TNS3: variants seen among roughly 807,000 people sequenced by gnomAD.
TNS3 encodes tensin-3.
Under a neutral mutation model 140.9 loss-of-function variants are expected in TNS3, and 45 were observed. The ratio of observed to expected loss-of-function variants is 0.32; its 90% confidence interval spans 0.25 to 0.41. The LOEUF (loss-of-function observed/expected upper bound fraction) is 0.41. Ranked by LOEUF, TNS3 falls within the 10% of genes least tolerant of loss-of-function variation. The pLI, the probability that TNS3 is intolerant of heterozygous loss-of-function variation, is 1.00. For missense variants in TNS3, 1,716 were observed against 1,906.7 expected (o/e 0.90, Z 1.86); for synonymous variants, 815 against 788.4 (o/e 1.03, Z -0.56).
Position 47,280,176 on chromosome 7 carries a change from C to G in TNS3, c.4181G>C (p.Gly1394Ala). 1 of 1,614,102 alleles carries G rather than the reference C, an allele frequency of 6.2e-7. No individual in the cohort carries two copies. Among genetic ancestry groups the G allele is most frequent in the Non-Finnish European group, 8.5e-7 (1 of 1,180,024 alleles). The change falls in exon 30 of 31, where the codon GGC becomes GCC. Residue 1394 changes from glycine to alanine, a missense_variant. Gly to Ala is a moderately conservative substitution (Grantham distance 60). Around this residue, in one of 3 missense-constraint regions of TNS3, gnomAD observed 216 missense variants for 295.7 expected, o/e 0.73. Coordinates refer to ENST00000311160, the MANE Select transcript of TNS3 (RefSeq NM_022748.12). ...CTCAGCAACTTACTTTGAGGAAGGG[C>G]CATCTTTGATCCACCTTGCAAATTA... is the stretch of plus-strand genomic sequence containing the variant. ...DPQDRKWIKD[G>A]PSSKVFGFVA... is the part of the protein sequence containing the mutation.
At chr7:47,335,377 T>G (rs1788576423) in intron 20 of TNS3, among the ~76,000 whole-genome samples, 1 of 152,264 alleles carries the variant, frequency 6.6e-6, no homozygotes, top group African/African-American at 2.4e-5. Flanking sequence ...TCCTTCATGC[T>G]AATCACAACC....
intron 3 of TNS3, among the ~76,000 whole-genome samples, chr7:47,502,602 C>T (rs576958236): frequency 1.3e-5 from 2 of 152,312 alleles, no homozygotes; most frequent in African/African-American, 4.8e-5. Context: ...CAGGGGGTTC[C>T]GCTGACTTCC....
chr7:47,357,412 GT>G (rs1376196917), intron 17 of TNS3, among the ~76,000 whole-genome samples: 2 of 152,156 alleles, frequency 1.3e-5, no homozygotes, highest in Non-Finnish European at 2.9e-5. Flanking sequence ...TTTCGAGACA[GT>G]GTGTAAAAGG....
intron 10 of TNS3, among the ~76,000 whole-genome samples, chr7:47,423,597 C>T (rs747410544): frequency 2.0e-4 from 30 of 152,262 alleles, no homozygotes; most frequent in Non-Finnish European, 4.1e-4. Flanking sequence ...AGTGCAACTG[C>T]TAATGTGTTT....
intron 20 of TNS3, among the ~76,000 whole-genome samples, chr7:47,332,181 C>A (rs1788378359): frequency 6.6e-6 from 1 of 152,204 alleles, no homozygotes; most frequent in Admixed American, 6.5e-5. Flanking sequence ...AGGCATTTTA[C>A]CTCTTGACGC....
At chr7:47,495,029 C>G (rs1797950066) in intron 3 of TNS3, among the ~76,000 whole-genome samples, 1 of 151,926 alleles carries the variant, frequency 6.6e-6, no homozygotes, top group Non-Finnish European at 1.5e-5. Context: ...AAAAATAAAG[C>G]CAGCGGTTTG....
intron 2 of TNS3, among the ~76,000 whole-genome samples, chr7:47,515,954 C>A (rs1798764820): frequency 6.6e-6 from 1 of 152,210 alleles, no homozygotes; most frequent in African/African-American, 2.4e-5. Context: ...GCTGTCTCCA[C>A]CATCCACCTC....
intron 3 of TNS3, among the ~76,000 whole-genome samples, chr7:47,483,828 A>G (rs972744135): frequency 5.3e-5 from 8 of 152,234 alleles, no homozygotes; most frequent in African/African-American, 1.9e-4. Context: ...TCGCGCGATA[A>G]GTTGGCACGC....
intron 4 of TNS3, among the ~76,000 whole-genome samples, chr7:47,454,284 C>T (rs1021298799): frequency 1.8e-4 from 27 of 152,210 alleles, no homozygotes; most frequent in Non-Finnish European, 3.7e-4. Flanking sequence ...ACCTGCCCAC[C>T]ATTTGGCAGG....
At chr7:47,527,119 C>G (rs1240435264) in intron 2 of TNS3, among the ~76,000 whole-genome samples, 4 of 151,980 alleles carry the variant, frequency 2.6e-5, no homozygotes, top group African/African-American at 9.6e-5. Context: ...CGCCTGTAGT[C>G]CCAGCTGCTG....
chr7:47,547,100 C>T (rs1799941276), intron 1 of TNS3, among the ~76,000 whole-genome samples: 1 of 152,082 alleles, frequency 6.6e-6, no homozygotes, highest in Non-Finnish European at 1.5e-5. Context: ...GAGTTTATAG[C>T]CTAGGAGGGA....
chr7:47,329,024 C>T, intron 20 of TNS3, among the ~76,000 whole-genome samples: 1 of 152,208 alleles, frequency 6.6e-6, no homozygotes, highest in East Asian at 1.9e-4. Context: ...TCTACAAAGC[C>T]CTTTTCAAGT....
intron 3 of TNS3, among the ~76,000 whole-genome samples, chr7:47,501,674 C>T (rs978965101): frequency 6.6e-6 from 1 of 152,114 alleles, no homozygotes; most frequent in Non-Finnish European, 1.5e-5. Context: ...AGGTCCAAAA[C>T]AGAAACGCAC....
At chr7:47,366,884 C>T (rs1349696960) in intron 17 of TNS3, among the ~76,000 whole-genome samples, 1 of 152,192 alleles carries the variant, frequency 6.6e-6, no homozygotes, top group Non-Finnish European at 1.5e-5. Context: ...ATCTCTCATC[C>T]GTGTTACCAG....
chr7:47,290,859 T>C (rs1275862731), intron 27 of TNS3, among the ~76,000 whole-genome samples: 2 of 152,222 alleles, frequency 1.3e-5, no homozygotes, highest in African/African-American at 4.8e-5. Context: ...TGAAAACTTA[T>C]ATCCACTCAA....
chr7:47,297,358 G>A (rs376327634), intron 23 of TNS3, 145 bp from the exon 24 acceptor site: 27 of 971,062 alleles, frequency 2.8e-5, no homozygotes, highest in South Asian at 1.7e-5. Flanking sequence ...CTGCTTGGCT[G>A]GAAGAACTAC....
chr7:47,436,481 T>C lies in TNS3; in HGVS notation c.201+782A>G, dbSNP rs577041189. On this transcript the variant is annotated intron_variant, in intron 7 of 30. Transcript: ENST00000311160. ...AGCATTAGGACAAATACTTAATGCATGAGGGGCCTAAAACCTAGATGACAG... is the reference window on the plus strand; with the variant it reads ...AGCATTAGGACAAATACTTAATGCACGAGGGGCCTAAAACCTAGATGACAG... Among the ~76,000 whole-genome samples the C allele has an allele frequency of 6.6e-5, 10 of 152,268 alleles. No individual in the cohort carries two copies. The South Asian group carries it at 1.9e-3, about 28-fold the overall frequency.
Position 47,425,318 on chromosome 7 carries a change from A to AAAC in TNS3, c.390-1137_390-1135dup, listed in dbSNP as rs367840444. 1.2e-3 allele frequency among the ~76,000 whole-genome samples: 186 copies of AAAC among 152,030 alleles called. 1 individual carries two copies. Among genetic ancestry groups the AAAC allele is most frequent in the Non-Finnish European group, 1.6e-3 (106 of 67,956 alleles). On this transcript the variant is annotated intron_variant, in intron 9 of 30. Coordinates refer to ENST00000311160, the MANE Select transcript of TNS3 (RefSeq NM_022748.12). ...GGTGACAGAGTGAGACTCCATCTCA[A>AAAC]AACAACAACAACAACAACAACAACA...
At chr7:47,528,622 T>G (rs1799285455) in intron 2 of TNS3, among the ~76,000 whole-genome samples, 1 of 152,220 alleles carries the variant, frequency 6.6e-6, no homozygotes, top group African/African-American at 2.4e-5. Context: ...CCCAAGCTGG[T>G]GGCTTAGTTT....
Sources: allele counts gnomAD v4.1 joint callset (sites outside exome capture counted in the v4.1 genomes callset), GRCh38; gene constraint gnomAD v4.1.1; regional missense constraint gnomAD v4.1.1; transcripts MANE v1.5; gene names NCBI Gene and HGNC (gene_info 2026-07-23, HGNC 2026-07-21).